PTPRQ: variants seen among roughly 807,000 people sequenced by gnomAD.
The protein encoded by PTPRQ is phosphatidylinositol phosphatase PTPRQ.
PTPRQ carries 199 observed loss-of-function variants against 246.0 expected under a neutral mutation model. The ratio of observed to expected loss-of-function variants is 0.81; its 90% confidence interval spans 0.72 to 0.91. The LOEUF (loss-of-function observed/expected upper bound fraction) is 0.91, where lower values mean the gene tolerates loss of function less well. Among genes scored for constraint, PTPRQ ranks in the 40% least tolerant of loss-of-function variants. The pLI, the probability that PTPRQ is intolerant of heterozygous loss-of-function variation, is 0.00. For synonymous variants in PTPRQ, 869 were observed against 853.2 expected, an observed-to-expected ratio of 1.02 and a Z score of -0.32; for missense variants, 2,624 against 2,528.4, an observed-to-expected ratio of 1.04 and a Z score of -0.81.
chr12:80,517,046 C>A (rs73347792), intron 17 of PTPRQ, among the ~76,000 whole-genome samples: 1,762 of 152,116 alleles, frequency 0.012, 41 homozygotes, highest in African/African-American at 0.039. Context: ...ATGTTCTGAC[C>A]AATGTTCTCT....
intron 25 of PTPRQ, among the ~76,000 whole-genome samples, chr12:80,563,654 G>A (rs1300345014): frequency 6.6e-6 from 1 of 152,142 alleles, no homozygotes; most frequent in Non-Finnish European, 1.5e-5. Flanking sequence ...CCCAAGGAGA[G>A]GATTTCTCCT....
chr12:80,517,379 A>C (rs1480265591), intron 17 of PTPRQ, among the ~76,000 whole-genome samples: 1 of 152,092 alleles, frequency 6.6e-6, no homozygotes, highest in Non-Finnish European at 1.5e-5. Context: ...AAAATTTTGT[A>C]GGTACATAGT....
At position 80,475,182 on chromosome 12, in the gene PTPRQ, T is replaced by C. The variant is rs75657080; in HGVS notation, c.1186+2931T>C. ...ATTTGGAATATATTTTAATAAATCATATGCTATTGTGTTTCTAATGCATTA... is the reference window on the plus strand; with the variant it reads ...ATTTGGAATATATTTTAATAAATCACATGCTATTGTGTTTCTAATGCATTA... On this transcript the variant is annotated intron_variant, in intron 8 of 44. Transcript: ENST00000644991. 3.4e-3 allele frequency among the ~76,000 whole-genome samples: 516 copies of C among 152,238 alleles called. 4 individuals are homozygous for C. The highest frequency in any genetic ancestry group is 5.6e-3 in the Non-Finnish European group (384 of 67,968).
intron 26 of PTPRQ, among the ~76,000 whole-genome samples, chr12:80,597,388 G>C (rs956025526): frequency 3.3e-5 from 5 of 151,932 alleles, no homozygotes; most frequent in African/African-American, 1.2e-4. Context: ...AATGGAACAC[G>C]CTGACCTGTT....
chr12:80,672,358 AC>A (rs1331848162), intron 42 of PTPRQ, among the ~76,000 whole-genome samples: 1 of 151,510 alleles, frequency 6.6e-6, no homozygotes, highest in Non-Finnish European at 1.5e-5. Flanking sequence ...TTATAGGCTC[AC>A]AATTTCTTAG....
intron 35 of PTPRQ, among the ~76,000 whole-genome samples, chr12:80,643,176 G>T (rs1359386069): frequency 6.6e-6 from 1 of 152,100 alleles, no homozygotes; most frequent in African/African-American, 2.4e-5. Flanking sequence ...GGTGGCTCAT[G>T]CCTGTAATCC....
At chr12:80,575,637 C>T (rs972749069) in intron 25 of PTPRQ, among the ~76,000 whole-genome samples, 4 of 151,436 alleles carry the variant, frequency 2.6e-5, no homozygotes, top group Non-Finnish European at 4.4e-5. Context: ...GTCAGGATTT[C>T]GAGACCAGCC....
intron 6 of PTPRQ, among the ~76,000 whole-genome samples, chr12:80,467,751 A>G (rs1485887517): frequency 1.3e-5 from 2 of 150,894 alleles, no homozygotes; most frequent in South Asian, 2.1e-4. Context: ...GTAAACTATC[A>G]CAAGAACAAA....
At chr12:80,527,364 G>C (rs1400254317) in intron 17 of PTPRQ, among the ~76,000 whole-genome samples, 1 of 151,870 alleles carries the variant, frequency 6.6e-6, no homozygotes, top group Non-Finnish European at 1.5e-5. Flanking sequence ...CACAAAAATT[G>C]ACCCTTTTCC....
At chr12:80,598,860 A>G (rs1243419571) in intron 26 of PTPRQ, among the ~76,000 whole-genome samples, 1 of 151,986 alleles carries the variant, frequency 6.6e-6, no homozygotes, top group Non-Finnish European at 1.5e-5. Context: ...TAGGAAAGTG[A>G]TCATAACGAG....
intron 39 of PTPRQ, among the ~76,000 whole-genome samples, chr12:80,667,978 A>G (rs972818520): frequency 3.3e-5 from 5 of 152,010 alleles, no homozygotes; most frequent in Admixed American, 6.6e-5. Context: ...GTGCCTCCTC[A>G]TTGTTCCTTA....
intron 39 of PTPRQ, among the ~76,000 whole-genome samples, chr12:80,658,618 G>GC (rs1900524744): frequency 6.6e-6 from 1 of 152,026 alleles, no homozygotes; most frequent in Non-Finnish European, 1.5e-5. Flanking sequence ...ATTCCTGTCA[G>GC]CCTCTTTTGG....
At chr12:80,566,409 C>T (rs956679196) in intron 25 of PTPRQ, among the ~76,000 whole-genome samples, 5 of 151,798 alleles carry the variant, frequency 3.3e-5, no homozygotes, top group Non-Finnish European at 1.5e-5. Context: ...ACCCAGGAGG[C>T]GGAGGTTGCA....
At chr12:80,514,431 T>G (rs868541741) in intron 17 of PTPRQ, among the ~76,000 whole-genome samples, 7 of 112,524 alleles carry the variant, frequency 6.2e-5, no homozygotes, top group African/African-American at 2.0e-4. Flanking sequence ...GCTTTAAAAT[T>G]TACTTTGTTC....
At chr12:80,634,914 C>T in intron 34 of PTPRQ, 31 bp from the exon 35 acceptor site, 1 of 1,544,138 alleles carries the variant, frequency 6.5e-7, no homozygotes, top group African/African-American at 1.4e-5. Context: ...GTGTGAAACT[C>T]CCTTCTTGGA....
At chr12:80,545,342 T>A (rs976721547) in intron 23 of PTPRQ, among the ~76,000 whole-genome samples, 7 of 152,130 alleles carry the variant, frequency 4.6e-5, no homozygotes, top group Non-Finnish European at 7.4e-5. Context: ...TTCTAGAGAT[T>A]ATTTTAAAAT....
intron 35 of PTPRQ, among the ~76,000 whole-genome samples, chr12:80,646,247 A>G (rs929591035): frequency 1.3e-5 from 2 of 152,226 alleles, no homozygotes; most frequent in East Asian, 3.8e-4. Context: ...CTTTAAATAT[A>G]TGAACTTAAT....
chr12:80,679,016 C>G lies in PTPRQ; in HGVS notation c.6893C>G (p.Thr2298Ser). ...GTTGAGCTTGAATGGGAAGAAACCA[C>G]TATGTAAATATTCAGACCAAAGGAT... Reference protein sequence around the residue: ...GDVELEWEETTM With the variant: ...GDVELEWEETSM The change falls in exon 45 of 45, where the codon ACT becomes AGT. Residue 2298 changes from threonine to serine, a missense_variant. Coordinates refer to ENST00000644991, the MANE Select transcript of PTPRQ (RefSeq NM_001145026.2). 1 of 1,547,750 alleles carries G rather than the reference C, an allele frequency of 6.5e-7. No individual in the cohort carries two copies. Among genetic ancestry groups the G allele is most frequent in the Non-Finnish European group, 8.7e-7 (1 of 1,145,248 alleles).
intron 3 of PTPRQ, among the ~76,000 whole-genome samples, chr12:80,450,648 G>A (rs1427548867): frequency 1.3e-5 from 2 of 152,104 alleles, no homozygotes; most frequent in African/African-American, 4.8e-5. Flanking sequence ...TGCGGTTTTT[G>A]TCTTTGATTT....
Sources: allele counts gnomAD v4.1 joint callset (sites outside exome capture counted in the v4.1 genomes callset), GRCh38; gene constraint gnomAD v4.1.1; transcripts MANE v1.5; gene names NCBI Gene and HGNC (gene_info 2026-07-23, HGNC 2026-07-21).